Variants in FGF14 observed in about 807,000 individuals in gnomAD.
FGF14 encodes fibroblast growth factor 14.
A neutral mutation model predicts 25.5 loss-of-function variants in FGF14; 5 were observed. That is an observed-to-expected ratio of 0.20 (90% confidence interval 0.10 to 0.41). FGF14 has a LOEUF of 0.41. Among genes scored for constraint, FGF14 ranks in the 10% least tolerant of loss-of-function variants. FGF14 has a pLI of 1.00. For missense variants in FGF14, 222 were observed against 320.1 expected, an observed-to-expected ratio of 0.69 and a Z score of 2.34; for synonymous variants, 138 against 118.3, an observed-to-expected ratio of 1.17 and a Z score of -1.08.
intron 1 of FGF14, among the ~76,000 whole-genome samples, chr13:101,945,625 CA>C (rs1423447485): frequency 6.6e-6 from 1 of 152,144 alleles, no homozygotes; most frequent in African/African-American, 2.4e-5. Context: ...CCCCATATTA[CA>C]AACACTGCCT....
At chr13:102,347,052 A>T (rs2057129620) in intron 1 of FGF14, among the ~76,000 whole-genome samples, 1 of 152,190 alleles carries the variant, frequency 6.6e-6, no homozygotes. Flanking sequence ...CCTATCAAGA[A>T]AAGCTAAGGA....
At chr13:102,323,984 TG>T (rs2056336373) in intron 1 of FGF14, among the ~76,000 whole-genome samples, 2 of 151,614 alleles carry the variant, frequency 1.3e-5, no homozygotes, top group Non-Finnish European at 2.9e-5. Flanking sequence ...TGTGTGTGTG[TG>T]TGTGTGTGTG....
intron 1 of FGF14, among the ~76,000 whole-genome samples, chr13:102,155,347 G>C (rs1230920851): frequency 6.6e-6 from 1 of 152,146 alleles, no homozygotes; most frequent in Non-Finnish European, 1.5e-5. Flanking sequence ...CTAGAACTCA[G>C]GATTAAGAAA....
At chr13:101,926,879 C>T (rs190401319) in intron 1 of FGF14, among the ~76,000 whole-genome samples, 2 of 152,240 alleles carry the variant, frequency 1.3e-5, no homozygotes, top group Admixed American at 1.3e-4. Context: ...TAGGTTGACA[C>T]TGACTGCAAA....
chr13:101,761,916 G>A (rs2038055360), intron 3 of FGF14, among the ~76,000 whole-genome samples: 1 of 152,098 alleles, frequency 6.6e-6, no homozygotes, highest in African/African-American at 2.4e-5. Context: ...ACCAACACAA[G>A]AGTCCCTAAG....
rs1270630240 is a variant in FGF14 at position 102,207,528 on chromosome 13, A to T, written c.208+193943T>A. Among the ~76,000 whole-genome samples, 3 of 151,602 alleles carry T rather than the reference A, an allele frequency of 2.0e-5. No homozygotes were observed. In the East Asian group the frequency reaches 5.9e-4, roughly 30 times the overall value. ...AGGGGGAGAGTCAAAGTATCTGAAAAGCATTTGAAAAATGCTGGTCTTGAA... is the reference window on the plus strand; with the variant it reads ...AGGGGGAGAGTCAAAGTATCTGAAATGCATTTGAAAAATGCTGGTCTTGAA... On this transcript the variant is annotated intron_variant, in intron 1 of 4. Coordinates refer to the FGF14 transcript ENST00000376131.
chr13:101,748,612 AGCCC>A (rs2037052631), intron 3 of FGF14, among the ~76,000 whole-genome samples: 1 of 151,930 alleles, frequency 6.6e-6, no homozygotes, highest in Admixed American at 6.6e-5. Flanking sequence ...CAGTACTAGT[AGCCC>A]CTAAATTATA....
intron 1 of FGF14, among the ~76,000 whole-genome samples, chr13:102,291,331 G>A (rs1196612697): frequency 6.6e-6 from 1 of 152,012 alleles, no homozygotes; most frequent in African/African-American, 2.4e-5. Context: ...TTATATATGG[G>A]GTTTGGTCCT....
chr13:101,953,129 A>G (rs1186842347), intron 1 of FGF14, among the ~76,000 whole-genome samples: 1 of 152,116 alleles, frequency 6.6e-6, no homozygotes, highest in Non-Finnish European at 1.5e-5. Flanking sequence ...ATTACTTTAC[A>G]ATCTCAGAAG....
chr13:102,042,842 T>C (rs1026980100), intron 1 of FGF14, among the ~76,000 whole-genome samples: 3 of 152,182 alleles, frequency 2.0e-5, no homozygotes, highest in Non-Finnish European at 4.4e-5. Context: ...CTCTCAAAAC[T>C]ATGGATAGTT....
chr13:101,878,512 A>T (rs1304770635), intron 1 of FGF14, among the ~76,000 whole-genome samples: 1 of 152,204 alleles, frequency 6.6e-6, no homozygotes, highest in African/African-American at 2.4e-5. Flanking sequence ...AAGTTAGAAT[A>T]GTTTAGGGGG....
chr13:101,944,980 A>T lies in FGF14; in HGVS notation c.209-69684T>A, dbSNP rs9585816. Among the ~76,000 whole-genome samples, 284 of 152,164 alleles carry T rather than the reference A, an allele frequency of 1.9e-3. 1 individual carries two copies. Among genetic ancestry groups the T allele is most frequent in the African/African-American group, 6.6e-3 (272 of 41,456 alleles). ...GAGATGAATGGCTGTGATGGTTGCA[A>T]GACAATGTGAATGTACTTAGCATCA... On this transcript the variant is annotated intron_variant, in intron 1 of 4. Coordinates refer to the FGF14 transcript ENST00000376131.
intron 1 of FGF14, among the ~76,000 whole-genome samples, chr13:102,113,355 G>A (rs995125328): frequency 1.3e-5 from 2 of 152,108 alleles, no homozygotes. Flanking sequence ...TCCCTCTGTG[G>A]TGTGTGTACA....
intron 3 of FGF14, among the ~76,000 whole-genome samples, chr13:101,790,489 G>A (rs1040604227): frequency 1.3e-5 from 2 of 151,612 alleles, no homozygotes; most frequent in African/African-American, 4.8e-5. Context: ...TGTGTGATGG[G>A]AAGGAGGGAA....
At chr13:101,803,040 C>G (rs1419129446) in intron 3 of FGF14, among the ~76,000 whole-genome samples, 2 of 151,774 alleles carry the variant, frequency 1.3e-5, no homozygotes, top group Non-Finnish European at 2.9e-5. Flanking sequence ...AGATAGCATT[C>G]TGCTGCCATT....
intron 1 of FGF14, among the ~76,000 whole-genome samples, chr13:102,141,614 A>C (rs1017094472): frequency 4.6e-5 from 7 of 152,230 alleles, no homozygotes; most frequent in African/African-American, 1.7e-4. Flanking sequence ...CTCTAGCTAG[A>C]TAACTGCTAG....
intron 1 of FGF14, among the ~76,000 whole-genome samples, chr13:102,284,721 C>G (rs551730211): frequency 6.6e-6 from 1 of 152,166 alleles, no homozygotes; most frequent in South Asian, 2.1e-4. Flanking sequence ...AGCATTCCAG[C>G]AGGAATATCA....
At chr13:102,326,912 G>T (rs1478353830) in intron 1 of FGF14, among the ~76,000 whole-genome samples, 1 of 152,176 alleles carries the variant, frequency 6.6e-6, no homozygotes. Flanking sequence ...AAACAGTCAA[G>T]ATAACCCCAA....
intron 1 of FGF14, among the ~76,000 whole-genome samples, chr13:101,998,893 C>T (rs180873840): frequency 1.5e-4 from 23 of 152,308 alleles, no homozygotes; most frequent in African/African-American, 5.3e-4. Flanking sequence ...AGAGTGTCTG[C>T]TCTACAGTAT....
Sources: allele counts gnomAD v4.1 joint callset (sites outside exome capture counted in the v4.1 genomes callset), GRCh38; gene constraint gnomAD v4.1.1; transcripts MANE v1.5; gene names NCBI Gene and HGNC (gene_info 2026-07-23, HGNC 2026-07-21).